The following SMIM8 variants were observed in gnomAD, a reference collection of about 807,000 sequenced individuals.
SMIM8 encodes the protein small integral membrane protein 8, also known as UPF0708 protein C6orf162.
In SMIM8, 8 loss-of-function variants were observed where a neutral mutation model predicts 8.1. The observed-to-expected ratio is 0.99, with a 90% CI of 0.58 to 1.78. The LOEUF is 1.78. Ranked by LOEUF, SMIM8 falls within the 40% of genes most tolerant of loss-of-function variation. SMIM8 has a pLI of 0.00. For synonymous variants in SMIM8, 45 were observed against 39.7 expected (o/e 1.13, Z -0.50); for missense variants, 126 against 119.8 (o/e 1.05, Z -0.24).
chr6:87,324,021 C>T (rs1381488914), intron 1 of SMIM8, among the ~76,000 whole-genome samples: 2 of 149,938 alleles, frequency 1.3e-5, no homozygotes, highest in African/African-American at 2.5e-5. Context: ...TCTCTGATGG[C>T]CAGTGATGGT....
intron 1 of SMIM8, among the ~76,000 whole-genome samples, chr6:87,326,139 T>C (rs1240175814): frequency 1.3e-5 from 2 of 152,210 alleles, no homozygotes; most frequent in African/African-American, 2.4e-5. Flanking sequence ...TTATTGCGTC[T>C]ATTTGATTCT....
Position 87,340,375 on chromosome 6 carries a change from G to GAAA in SMIM8, c.*101_*102insAAA. 8.3e-7 allele frequency: 1 copy of GAAA among 1,202,934 alleles called. No individual in the cohort carries two copies. The highest frequency in any genetic ancestry group is 1.1e-6 in the Non-Finnish European group (1 of 933,070). The allele number at this position is 1,202,934 out of a possible 1,614,324, so 74.5% of individuals were successfully genotyped here. ...TATCATGTTTCTTGTTCTAGAACAT[G>GAAA]CTAATGAAGAGAGAAGATAGCAGTT... On this transcript the variant is annotated 3_prime_UTR_variant, in exon 4 of 4. Transcript: ENST00000392863.
At chr6:87,336,424 A>T (rs1213286550) in intron 2 of SMIM8, among the ~76,000 whole-genome samples, 1 of 152,220 alleles carries the variant, frequency 6.6e-6, no homozygotes, top group African/African-American at 2.4e-5. Flanking sequence ...TAACCTACCC[A>T]GAAAGTTGCT....
intron 2 of SMIM8, among the ~76,000 whole-genome samples, chr6:87,333,769 T>A (rs890653730): frequency 6.6e-6 from 1 of 152,240 alleles, no homozygotes; most frequent in African/African-American, 2.4e-5. Context: ...TTGCATGATA[T>A]CAGGTTCATG....
chr6:87,340,252 G>A lies in SMIM8; in HGVS notation c.272G>A (p.Arg91Gln), dbSNP rs140431074. Residue 91 changes from arginine (R) to glutamine (Q), a missense_variant, in exon 4 of 4, where the codon CGG becomes CAG. By Grantham distance (43) the Arg-to-Gln change is conservative (BLOSUM62 1). Coordinates refer to ENST00000392863, the MANE Select transcript of SMIM8 (RefSeq NM_001042493.3). Reference protein sequence around the residue: ...IDSEGHSYMRRKTSKWD With the variant: ...IDSEGHSYMRQKTSKWD ...AGTGAGGGGCACAGTTATATGAGGC[G>A]GAAAACATCCAAATGGGATTAGTAG... 375 of 1,600,754 alleles carry A rather than the reference G, an allele frequency of 2.3e-4. 1 individual carries two copies. The highest frequency in any genetic ancestry group is 1.8e-4 in the Non-Finnish European group (210 of 1,175,884).
rs79949333 is a variant in SMIM8, at chr6:87,329,876, G to T, written c.-44-816G>T. On this transcript the variant is annotated intron_variant, in intron 1 of 3. Transcript: ENST00000392863. ...GTTAGACTAAATGGTGAGTATGAAA[G>T]TAGCTACCATTCATTGAACATCTGC... Among the ~76,000 whole-genome samples the T allele has an allele frequency of 7.3e-4, 111 of 152,228 alleles. No individual in the cohort carries two copies. In the East Asian group the frequency reaches 0.019, roughly 25 times the overall value.
chr6:87,332,233 C>T (rs1777009601), intron 2 of SMIM8, among the ~76,000 whole-genome samples: 1 of 151,474 alleles, frequency 6.6e-6, no homozygotes, highest in Non-Finnish European at 1.5e-5. Flanking sequence ...CTCAGCATCA[C>T]TGCATCCATT....
At chr6:87,328,572 G>T (rs909825062) in intron 1 of SMIM8, among the ~76,000 whole-genome samples, 5 of 152,054 alleles carry the variant, frequency 3.3e-5, no homozygotes, top group African/African-American at 4.8e-5. Context: ...TCGGGGGTCA[G>T]GGGTCAGGGA....
intron 2 of SMIM8, among the ~76,000 whole-genome samples, chr6:87,332,578 A>G (rs1182689794): frequency 6.6e-6 from 1 of 150,804 alleles, no homozygotes; most frequent in East Asian, 1.9e-4. Flanking sequence ...ATTTTATATA[A>G]TTTTGGACAT....
chr6:87,336,467 C>G (rs1359926441), intron 2 of SMIM8, among the ~76,000 whole-genome samples: 3 of 152,132 alleles, frequency 2.0e-5, no homozygotes, highest in Non-Finnish European at 4.4e-5. Context: ...ACAAACAGCT[C>G]CTTATCCTTA....
chr6:87,328,934 G>A (rs967653639), intron 1 of SMIM8, among the ~76,000 whole-genome samples: 1 of 152,242 alleles, frequency 6.6e-6, no homozygotes, highest in Non-Finnish European at 1.5e-5. Flanking sequence ...TCCGAACCAC[G>A]TGCGGGATAT....
In SMIM8 at chr6:87,336,027, C is replaced by CA. The variant is rs958464312; in HGVS notation, c.-23-972dup. 9.8e-4 allele frequency among the ~76,000 whole-genome samples: 145 copies of CA among 147,826 alleles called. 1 individual carries two copies. Among genetic ancestry groups the CA allele is most frequent in the African/African-American group, 1.9e-3 (75 of 40,396 alleles). ...AGGCAATCGAGTAAGAAGACTGTCT[C>CA]AAAAAAAAAATACTTGTGCAAACAA... On this transcript the variant is annotated intron_variant, in intron 2 of 3. Transcript: ENST00000392863.
Position 87,328,505 on chromosome 6 carries a change from C to G in SMIM8, c.-44-2187C>G, listed in dbSNP as rs1776897141. Among the ~76,000 whole-genome samples, 4 of 151,512 alleles carry G rather than the reference C, an allele frequency of 2.6e-5. No individual in the cohort carries two copies. In the South Asian group the frequency reaches 8.3e-4, roughly 31 times the overall value. ...GTAAGCTTCAGGTCTGTTGGAGTAC[C>G]CGGCCGTGTGAGGTATCAGTCTGCC... is the stretch of plus-strand genomic sequence containing the variant. On this transcript the variant is annotated intron_variant, in intron 1 of 3. Coordinates refer to ENST00000392863, the MANE Select transcript of SMIM8 (RefSeq NM_001042493.3).
Position 87,330,707 on chromosome 6 carries a change from A to C in SMIM8, c.-29A>C, listed in dbSNP as rs1409580397. On this transcript the variant is annotated 5_prime_UTR_variant, in exon 2 of 4. Transcript: ENST00000392863. ...TCCGTCACAGGAGGATGGACAGAAG[A>C]AAAAGGTAAAGAACATTTTACCAGA... The C allele has an allele frequency of 6.6e-6, 1 of 152,216 alleles. No homozygotes were observed. The highest frequency in any genetic ancestry group is 1.5e-5 in the Non-Finnish European group (1 of 68,034). The allele number at this position is 152,216 out of a possible 1,614,324, so 9.4% of individuals were successfully genotyped here.
intron 1 of SMIM8, among the ~76,000 whole-genome samples, chr6:87,328,076 T>G (rs1323530569): frequency 6.6e-6 from 1 of 152,230 alleles, no homozygotes; most frequent in Non-Finnish European, 1.5e-5. Flanking sequence ...ATTCTTCACG[T>G]AGTTCTTGAG....
intron 3 of SMIM8, among the ~76,000 whole-genome samples, chr6:87,339,440 GTGTGT>G (rs1777177121): frequency 2.1e-5 from 1 of 47,544 alleles, no homozygotes. Flanking sequence ...GTGTGTTTGT[GTGTGT>G]GTGTGTGTGT....
intron 2 of SMIM8, among the ~76,000 whole-genome samples, chr6:87,334,065 T>A (rs1386708221): frequency 2.0e-5 from 3 of 152,098 alleles, no homozygotes; most frequent in Non-Finnish European, 2.9e-5. Context: ...GGAAGAAGTG[T>A]CACACTTAAA....
At chr6:87,322,752 G>C (rs1776699763) in intron 1 of SMIM8, 120 bp downstream of exon 1, 1 of 152,216 alleles carries the variant, frequency 6.6e-6, no homozygotes, top group Non-Finnish European at 1.5e-5. Context: ...TCCCTCCCAG[G>C]GAGGGAGCGT....
At chr6:87,339,314 A>G (rs892516430) in intron 3 of SMIM8, among the ~76,000 whole-genome samples, 3 of 145,252 alleles carry the variant, frequency 2.1e-5, no homozygotes, top group South Asian at 4.4e-4. Flanking sequence ...AACAACAACA[A>G]CAAAACACAG....
Sources: allele counts gnomAD v4.1 joint callset (sites outside exome capture counted in the v4.1 genomes callset), GRCh38; gene constraint gnomAD v4.1.1; transcripts MANE v1.5; gene names NCBI Gene and HGNC (gene_info 2026-07-23, HGNC 2026-07-21).